Variants in ACYP2 observed in about 807,000 individuals in gnomAD.
The protein encoded by ACYP2 is acylphosphatase-2.
ACYP2 carries 12 observed loss-of-function variants against 11.2 expected under a neutral mutation model. That is an observed-to-expected ratio of 1.08 (90% CI 0.69 to 1.74). The LOEUF is 1.74. Among genes scored for constraint, ACYP2 ranks in the 40% most tolerant of loss-of-function variants. The pLI is 0.00. For missense variants in ACYP2, 134 were observed against 101.9 expected (o/e 1.31, Z -1.35); for synonymous variants, 43 against 32.2 (o/e 1.33, Z -1.13).
chr2:54,065,049 A>G (rs1371682910), intron 4 of ACYP2, among the ~76,000 whole-genome samples: 1 of 138,928 alleles, frequency 7.2e-6, no homozygotes, highest in East Asian at 1.9e-4. Flanking sequence ...ATGCCACTGC[A>G]CTCCAGCCTG....
chr2:54,015,092 C>T (rs917429428), intron 2 of ACYP2, among the ~76,000 whole-genome samples: 3 of 152,244 alleles, frequency 2.0e-5, no homozygotes, highest in South Asian at 2.1e-4. Flanking sequence ...TCTTGCTGGG[C>T]GTGGTAGCTC....
chr2:54,094,681 G>T (rs1678421524), intron 4 of ACYP2, among the ~76,000 whole-genome samples: 1 of 152,036 alleles, frequency 6.6e-6, no homozygotes, highest in Non-Finnish European at 1.5e-5. Context: ...AGGACTACAG[G>T]CATGTGCCAC....
intron 4 of ACYP2, among the ~76,000 whole-genome samples, chr2:54,075,263 C>A (rs961957330): frequency 2.6e-5 from 4 of 152,060 alleles, no homozygotes; most frequent in African/African-American, 9.7e-5. Flanking sequence ...GTTTGTAAGG[C>A]CTAGGAGGGT....
At chr2:54,205,073 T>G (rs1044457347) in intron 6 of ACYP2, among the ~76,000 whole-genome samples, 4 of 152,212 alleles carry the variant, frequency 2.6e-5, no homozygotes, top group African/African-American at 9.7e-5. Flanking sequence ...TAATTTGGCT[T>G]TTGTAAAAGT....
intron 6 of ACYP2, among the ~76,000 whole-genome samples, chr2:54,152,750 C>T (rs953177181): frequency 1.3e-5 from 2 of 152,076 alleles, no homozygotes; most frequent in African/African-American, 4.8e-5. Context: ...TTGCTGAATA[C>T]TATTTTATTG....
At chr2:54,194,507 T>C (rs566791456) in intron 6 of ACYP2, among the ~76,000 whole-genome samples, 10 of 152,298 alleles carry the variant, frequency 6.6e-5, no homozygotes, top group African/African-American at 2.4e-4. Context: ...ATTAAAATCT[T>C]GAGTGCACTC....
In ACYP2 at chr2:54,165,529, T is replaced by TCACACA. The variant is rs1266993483; in HGVS notation, c.404+26782_404+26783insACACAC. Among the ~76,000 whole-genome samples the TCACACA allele has an allele frequency of 1.9e-3, 279 of 143,132 alleles. 1 individual carries two copies. Among genetic ancestry groups the TCACACA allele is most frequent in the East Asian group, 3.9e-3 (19 of 4,922 alleles). The allele number at this position is 143,132 out of a possible 152,430, so 93.9% of individuals were successfully genotyped here. A position where few individuals can be genotyped will look rare whatever the true frequency, so the allele number is the denominator to read the frequency against. Reference sequence around the variant, plus strand: ...CTCTCTCTTTCACTCTCTCTCTCTCTCTCTCTCACACACACACACACACAC... The same window carrying TCACACA: ...CTCTCTCTTTCACTCTCTCTCTCTCTCACACACTCTCTCACACACACACACACACAC... On this transcript the variant is annotated intron_variant, in intron 6 of 6. Transcript: ENST00000607452.
chr2:54,248,279 G>A (rs1053412961), intron 6 of ACYP2, among the ~76,000 whole-genome samples: 5 of 152,142 alleles, frequency 3.3e-5, no homozygotes, highest in African/African-American at 9.7e-5. Context: ...GTATGTTATT[G>A]TTTGATTAGG....
intron 4 of ACYP2, among the ~76,000 whole-genome samples, chr2:54,088,516 G>C (rs1045032870): frequency 1.3e-5 from 2 of 152,148 alleles, no homozygotes; most frequent in South Asian, 4.1e-4. Flanking sequence ...TCTCCTCAGC[G>C]GGGTCAGAGA....
At chr2:54,173,393 G>A (rs180802880) in intron 6 of ACYP2, among the ~76,000 whole-genome samples, 1 of 152,202 alleles carries the variant, frequency 6.6e-6, no homozygotes, top group Non-Finnish European at 1.5e-5. Context: ...TGATGGGGTT[G>A]TTTTTTTCTT....
chr2:54,281,938 A>C (rs10199945), intron 6 of ACYP2, among the ~76,000 whole-genome samples: 20,529 of 152,194 alleles, frequency 0.13, 2,132 homozygotes, highest in African/African-American at 0.28. Context: ...CAAGCAACAC[A>C]GTTAGCAAGC....
chr2:54,172,565 G>A (rs1683262710), intron 6 of ACYP2, among the ~76,000 whole-genome samples: 1 of 152,160 alleles, frequency 6.6e-6, no homozygotes, highest in Non-Finnish European at 1.5e-5. Flanking sequence ...GTATGTGGAT[G>A]AGTAGAATAA....
intron 4 of ACYP2, among the ~76,000 whole-genome samples, chr2:54,109,690 A>G (rs982577426): frequency 1.3e-5 from 2 of 152,180 alleles, no homozygotes; most frequent in Non-Finnish European, 2.9e-5. Context: ...ACTAAAATAA[A>G]CTTTCAGAAA....
chr2:54,006,216 C>T (rs1196228991), intron 2 of ACYP2, among the ~76,000 whole-genome samples: 3 of 152,090 alleles, frequency 2.0e-5, no homozygotes, highest in Non-Finnish European at 4.4e-5. Flanking sequence ...GGTACGATCT[C>T]GGCTCACTGC....
At chr2:54,281,981 T>A (rs961741276) in intron 6 of ACYP2, among the ~76,000 whole-genome samples, 1 of 152,246 alleles carries the variant, frequency 6.6e-6, no homozygotes, top group African/African-American at 2.4e-5. Flanking sequence ...TTTTCATGTA[T>A]ACACTTACTT....
At chr2:54,301,467 A>C (rs1689723081) in intron 6 of ACYP2, among the ~76,000 whole-genome samples, 1 of 151,996 alleles carries the variant, frequency 6.6e-6, no homozygotes, top group South Asian at 2.1e-4. Context: ...TTATTTTCCA[A>C]ACTCTTCTAT....
intron 4 of ACYP2, among the ~76,000 whole-genome samples, chr2:54,105,398 T>A (rs969949292): frequency 2.6e-5 from 4 of 152,180 alleles, no homozygotes; most frequent in African/African-American, 9.7e-5. Context: ...TATCCATTCT[T>A]CAGCGATCAC....
chr2:54,220,385 A>T (rs1208357965), intron 6 of ACYP2, among the ~76,000 whole-genome samples: 4 of 152,198 alleles, frequency 2.6e-5, no homozygotes, highest in Non-Finnish European at 5.9e-5. Flanking sequence ...TAGAATTTTA[A>T]GTCTATTGAA....
chr2:54,231,990 A>G (rs1246426855), intron 6 of ACYP2, among the ~76,000 whole-genome samples: 5 of 152,178 alleles, frequency 3.3e-5, no homozygotes, highest in Non-Finnish European at 7.4e-5. Context: ...CTTTTAGACT[A>G]TGTATTCTTT....
Sources: gnomAD v4.1 joint callset for allele counts (sites outside exome capture counted in the v4.1 genomes callset) on GRCh38, gnomAD v4.1.1 for gene constraint, MANE v1.5 for transcripts, NCBI Gene and HGNC (gene_info 2026-07-23, HGNC 2026-07-21) for gene names.